RAPGEF4: variants seen among roughly 807,000 people sequenced by gnomAD.
RAPGEF4 encodes Rap guanine nucleotide exchange factor 4.
RAPGEF4 carries 66 observed loss-of-function variants against 147.9 expected under a neutral mutation model. The observed-to-expected ratio is 0.45, with a 90% CI of 0.37 to 0.55. RAPGEF4 has a LOEUF of 0.55. Among genes scored for constraint, RAPGEF4 ranks in the 20% least tolerant of loss-of-function variants. The pLI, the probability that RAPGEF4 is intolerant of heterozygous loss-of-function variation, is 0.00. For synonymous variants in RAPGEF4, 419 were observed against 442.7 expected, an observed-to-expected ratio of 0.95 and a Z score of 0.67; for missense variants, 1,071 against 1,257.3, an observed-to-expected ratio of 0.85 and a Z score of 2.24.
intron 4 of RAPGEF4, among the ~76,000 whole-genome samples, chr2:172,887,543 A>G (rs1314380282): frequency 6.6e-6 from 1 of 152,222 alleles, no homozygotes; most frequent in African/African-American, 2.4e-5. Context: ...TTATTGGAAC[A>G]CAGCCACACT....
intron 30 of RAPGEF4, among the ~76,000 whole-genome samples, chr2:173,048,921 T>C (rs1049682982): frequency 1.3e-5 from 2 of 152,224 alleles, no homozygotes; most frequent in Admixed American, 6.5e-5. Flanking sequence ...ATTTGCTCTA[T>C]CCAGTGCAGC....
chr2:172,819,984 T>C (rs559084349), intron 4 of RAPGEF4, among the ~76,000 whole-genome samples: 67 of 152,318 alleles, frequency 4.4e-4, no homozygotes, highest in African/African-American at 1.5e-3. Context: ...TCCAAGTCCA[T>C]GAATTTCTGC....
intron 4 of RAPGEF4, among the ~76,000 whole-genome samples, chr2:172,849,954 G>C (rs907657164): frequency 6.6e-6 from 1 of 152,218 alleles, no homozygotes; most frequent in Non-Finnish European, 1.5e-5. Flanking sequence ...AGTTCCTGGA[G>C]TCATGGTGCA....
At chr2:172,767,340 G>A (rs950254059) in intron 1 of RAPGEF4, among the ~76,000 whole-genome samples, 1 of 151,946 alleles carries the variant, frequency 6.6e-6, no homozygotes, top group Non-Finnish European at 1.5e-5. Context: ...CACCATGCCC[G>A]GCTAGTTTTT....
At chr2:172,819,438 G>C (rs1052049462) in intron 4 of RAPGEF4, among the ~76,000 whole-genome samples, 1 of 143,924 alleles carries the variant, frequency 6.9e-6, no homozygotes, top group African/African-American at 2.5e-5. Context: ...GAATTTAAAA[G>C]TCTTAGAATA....
intron 3 of RAPGEF4, among the ~76,000 whole-genome samples, chr2:172,812,649 G>C (rs1688133986): frequency 6.6e-6 from 1 of 152,172 alleles, no homozygotes; most frequent in South Asian, 2.1e-4. Flanking sequence ...TAGTTCTTTT[G>C]CATTATACTT....
chr2:172,978,550 C>T lies in RAPGEF4; in HGVS notation c.1005-4946C>T, dbSNP rs116737960. On this transcript the variant is annotated intron_variant, in intron 10 of 30. Transcript: ENST00000397081. Reference sequence around the variant, plus strand: ...CTGGCAGTAAATCTGCCCCTGTCCACTACTGAGTGTGACAGGCGTGGAAAG... The same window carrying T: ...CTGGCAGTAAATCTGCCCCTGTCCATTACTGAGTGTGACAGGCGTGGAAAG... Among the ~76,000 whole-genome samples the T allele has an allele frequency of 3.7e-3, 559 of 152,336 alleles. 4 individuals carry two copies. The highest frequency in any genetic ancestry group is 0.013 in the African/African-American group (531 of 41,574).
At chr2:173,007,368 C>T (rs1013743790) in intron 17 of RAPGEF4, among the ~76,000 whole-genome samples, 1 of 152,124 alleles carries the variant, frequency 6.6e-6, no homozygotes, top group Non-Finnish European at 1.5e-5. Context: ...AGAAGGCGCT[C>T]CTATGAGCTC....
intron 6 of RAPGEF4, among the ~76,000 whole-genome samples, chr2:172,953,329 T>C (rs1688406725): frequency 6.8e-6 from 1 of 147,840 alleles, no homozygotes; most frequent in African/African-American, 2.4e-5. Context: ...TATATATCTC[T>C]ATATATAGAT....
intron 12 of RAPGEF4, among the ~76,000 whole-genome samples, chr2:172,986,708 T>G (rs1692289125): frequency 1.3e-5 from 2 of 151,904 alleles, no homozygotes; most frequent in African/African-American, 4.8e-5. Flanking sequence ...CTTTTTTTTT[T>G]TTTGAGACGG....
intron 5 of RAPGEF4, 42 bp from the exon 6 acceptor site, chr2:172,922,239 A>G: frequency 6.3e-7 from 1 of 1,589,996 alleles, no homozygotes. Context: ...CCGGTTGATT[A>G]TACAATTCAT....
intron 1 of RAPGEF4, among the ~76,000 whole-genome samples, chr2:172,741,087 C>A (rs1048047235): frequency 6.6e-6 from 1 of 152,166 alleles, no homozygotes; most frequent in African/African-American, 2.4e-5. Flanking sequence ...CTTCCTAGAG[C>A]AACAGAGCCT....
chr2:172,736,733 A>G (rs1332897703), intron 1 of RAPGEF4, among the ~76,000 whole-genome samples: 2 of 152,244 alleles, frequency 1.3e-5, no homozygotes, highest in Non-Finnish European at 2.9e-5. Flanking sequence ...AGTGGATTGC[A>G]GTTGTTTCCA....
intron 4 of RAPGEF4, among the ~76,000 whole-genome samples, chr2:172,886,402 C>G (rs550963212): frequency 4.6e-5 from 7 of 152,336 alleles, no homozygotes; most frequent in African/African-American, 1.7e-4. Flanking sequence ...GCAGACTCTT[C>G]CCCTAGACTG....
At chr2:172,746,008 G>A (rs542116137) in intron 1 of RAPGEF4, among the ~76,000 whole-genome samples, 3 of 152,282 alleles carry the variant, frequency 2.0e-5, no homozygotes, top group Admixed American at 6.5e-5. Flanking sequence ...AAAGATTGTA[G>A]TATATTTTAG....
chr2:172,961,114 C>T lies in RAPGEF4; in HGVS notation c.592-8C>T, dbSNP rs1689243889. 6.4e-7 allele frequency: 1 copy of T among 1,572,896 alleles called. No individual in the cohort carries two copies. The highest frequency in any genetic ancestry group is 8.8e-7 in the Non-Finnish European group (1 of 1,142,822). ...CTCCTCCCCTCCTTCCACCTGATTA[C>T]AATCCAGGTCCCTTCAGAGAAGATC... On this transcript the variant is annotated splice_region_variant and splice_polypyrimidine_tract_variant and intron_variant, in intron 7 of 30. Transcript: ENST00000397081.
intron 10 of RAPGEF4, among the ~76,000 whole-genome samples, chr2:172,977,004 T>G (rs1691145419): frequency 6.6e-6 from 1 of 152,160 alleles, no homozygotes; most frequent in African/African-American, 2.4e-5. Context: ...CCACGCAGAT[T>G]TGTAAAGAAG....
rs977006432 is a variant in RAPGEF4 at position 172,983,484 on chromosome 2, T to C, written c.1005-12T>C. On this transcript the variant is annotated splice_polypyrimidine_tract_variant and intron_variant, in intron 10 of 30. Coordinates refer to ENST00000397081, the MANE Select transcript of RAPGEF4 (RefSeq NM_007023.4). Reference sequence around the variant, plus strand: ...TTTTTCCATATTCCTTTTTTTTTTTTTATCTTTGTAGACCTGGCCAGAGGA... The same window carrying C: ...TTTTTCCATATTCCTTTTTTTTTTTCTATCTTTGTAGACCTGGCCAGAGGA... 3 of 1,584,736 alleles carry C rather than the reference T, an allele frequency of 1.9e-6. No homozygotes were observed. Among genetic ancestry groups the C allele is most frequent in the Non-Finnish European group, 2.6e-6 (3 of 1,173,122 alleles).
intron 1 of RAPGEF4, among the ~76,000 whole-genome samples, chr2:172,752,664 T>G (rs1162748157): frequency 6.6e-6 from 1 of 152,210 alleles, no homozygotes; most frequent in East Asian, 1.9e-4. Flanking sequence ...ACGTAAATCA[T>G]CAGATCATAA....
Sources: allele counts gnomAD v4.1 joint callset (sites outside exome capture counted in the v4.1 genomes callset), GRCh38; gene constraint gnomAD v4.1.1; transcripts MANE v1.5; gene names NCBI Gene and HGNC (gene_info 2026-07-23, HGNC 2026-07-21).